KATNBL1: variants seen among roughly 807,000 people sequenced by gnomAD.
The protein encoded by KATNBL1 is KATNB1-like protein 1.
In KATNBL1, 28 loss-of-function variants were observed where a neutral mutation model predicts 44.7. The ratio of observed to expected loss-of-function variants is 0.63; its 90% CI spans 0.46 to 0.86. KATNBL1 has a LOEUF of 0.86. Among genes scored for constraint, KATNBL1 ranks in the 40% least tolerant of loss-of-function variants. The pLI is 0.00. For missense variants in KATNBL1, 272 were observed against 350.7 expected, an observed-to-expected ratio of 0.78 and a Z score of 1.79; for synonymous variants, 78 against 114.9, an observed-to-expected ratio of 0.68 and a Z score of 2.06.
intron 1 of KATNBL1, among the ~76,000 whole-genome samples, chr15:34,173,532 A>G (rs1889234763): frequency 6.6e-6 from 1 of 152,146 alleles, no homozygotes; most frequent in African/African-American, 2.4e-5. Context: ...CTTCACAGTA[A>G]GCAATAAGAG....
intron 9 of KATNBL1, among the ~76,000 whole-genome samples, chr15:34,143,899 G>A (rs1311616399): frequency 5.5e-5 from 8 of 146,696 alleles, no homozygotes; most frequent in African/African-American, 1.8e-4. Context: ...CCTGGGAGGT[G>A]GAGCTTGTAG....
At chr15:34,161,833 G>C (rs1279612328) in intron 2 of KATNBL1, among the ~76,000 whole-genome samples, 1 of 152,112 alleles carries the variant, frequency 6.6e-6, no homozygotes, top group Non-Finnish European at 1.5e-5. Context: ...AAGGCTAGAA[G>C]GGGGTTGTTT....
At chr15:34,182,128 A>C (rs1419372039) in intron 1 of KATNBL1, among the ~76,000 whole-genome samples, 1 of 152,022 alleles carries the variant, frequency 6.6e-6, no homozygotes, top group African/African-American at 2.4e-5. Context: ...GGTGTTCTGT[A>C]TCCATTGCCT....
intron 1 of KATNBL1, among the ~76,000 whole-genome samples, chr15:34,179,757 A>G (rs1889463261): frequency 6.6e-6 from 1 of 152,220 alleles, no homozygotes; most frequent in South Asian, 2.1e-4. Flanking sequence ...AACAGAAATT[A>G]TTTATTGTTG....
intron 1 of KATNBL1, among the ~76,000 whole-genome samples, chr15:34,179,412 G>A (rs1379245600): frequency 1.3e-5 from 2 of 152,128 alleles, no homozygotes; most frequent in African/African-American, 4.8e-5. Flanking sequence ...TCTCTTAACA[G>A]TCCCACCTCT....
chr15:34,208,986 G>T (rs967830005), intron 1 of KATNBL1: 1 of 152,148 alleles, frequency 6.6e-6, no homozygotes, highest in Non-Finnish European at 1.5e-5. Flanking sequence ...CTGTCAAAAT[G>T]GGGACAACAG....
chr15:34,177,159 T>G (rs1453945960), intron 1 of KATNBL1, among the ~76,000 whole-genome samples: 1 of 152,208 alleles, frequency 6.6e-6, no homozygotes, highest in Non-Finnish European at 1.5e-5. Context: ...TTGGATATAG[T>G]GCATATTTTC....
At chr15:34,150,368 T>C (rs1486725374) in intron 4 of KATNBL1, among the ~76,000 whole-genome samples, 1 of 152,124 alleles carries the variant, frequency 6.6e-6, no homozygotes, top group Non-Finnish European at 1.5e-5. Flanking sequence ...CTGAGGCAGG[T>C]TGATCGCTTC....
chr15:34,183,291 C>A (rs986242126), intron 1 of KATNBL1, among the ~76,000 whole-genome samples: 2 of 152,210 alleles, frequency 1.3e-5, no homozygotes, highest in Admixed American at 1.3e-4. Flanking sequence ...TAAGTGCTGT[C>A]AGGCCAATGG....
At chr15:34,196,169 G>T (rs1411518408) in intron 1 of KATNBL1, among the ~76,000 whole-genome samples, 2 of 152,204 alleles carry the variant, frequency 1.3e-5, no homozygotes, top group Admixed American at 6.5e-5. Context: ...TGTAATCCCA[G>T]CACTTTGGGA....
At chr15:34,144,340 C>T (rs1397784294) in intron 9 of KATNBL1, among the ~76,000 whole-genome samples, 1 of 151,372 alleles carries the variant, frequency 6.6e-6, no homozygotes, top group African/African-American at 2.4e-5. Flanking sequence ...TATTTTTTTC[C>T]CCCTGAATTC....
chr15:34,199,141 A>G (rs557709617), intron 1 of KATNBL1, among the ~76,000 whole-genome samples: 3 of 152,344 alleles, frequency 2.0e-5, no homozygotes, highest in African/African-American at 7.2e-5. Context: ...ATTCCTATTA[A>G]GAAAACAGAT....
intron 1 of KATNBL1, among the ~76,000 whole-genome samples, chr15:34,200,197 A>AT (rs1435362881): frequency 1.3e-5 from 2 of 152,040 alleles, no homozygotes; most frequent in Admixed American, 1.3e-4. Flanking sequence ...CTCAAAGTTG[A>AT]TATCTCAAGG....
chr15:34,149,428 C>CTTTT (rs574775758), intron 4 of KATNBL1, among the ~76,000 whole-genome samples: 2 of 145,126 alleles, frequency 1.4e-5, no homozygotes, highest in African/African-American at 5.0e-5. Context: ...ACAGATCAAG[C>CTTTT]TTTTTTTTTT....
At chr15:34,192,939 C>T (rs540784511) in intron 1 of KATNBL1, among the ~76,000 whole-genome samples, 35 of 152,204 alleles carry the variant, frequency 2.3e-4, no homozygotes, top group Non-Finnish European at 4.1e-4. Context: ...TAAGGCTTGC[C>T]GGGCGCGGTG....
intron 4 of KATNBL1, among the ~76,000 whole-genome samples, chr15:34,150,499 T>C (rs1205918379): frequency 1.3e-5 from 2 of 151,890 alleles, no homozygotes; most frequent in African/African-American, 4.8e-5. Flanking sequence ...GAGACTGAGG[T>C]GGGAGGATTG....
At chr15:34,158,142 AG>A (rs1888692782) in intron 2 of KATNBL1, among the ~76,000 whole-genome samples, 1 of 152,200 alleles carries the variant, frequency 6.6e-6, no homozygotes, top group African/African-American at 2.4e-5. Context: ...CCTAAATACT[AG>A]GCAACTATCT....
intron 1 of KATNBL1, among the ~76,000 whole-genome samples, chr15:34,190,463 T>C (rs1262184113): frequency 2.0e-5 from 3 of 152,122 alleles, no homozygotes; most frequent in East Asian, 3.8e-4. Context: ...AAACAGGAAA[T>C]TGTAAACATG....
At chr15:34,172,677 G>A (rs1301724174) in intron 1 of KATNBL1, among the ~76,000 whole-genome samples, 1 of 152,022 alleles carries the variant, frequency 6.6e-6, no homozygotes, top group African/African-American at 2.4e-5. Context: ...ACACTCCAGG[G>A]AAGAGTACAG....
Sources: allele counts gnomAD v4.1 joint callset (sites outside exome capture counted in the v4.1 genomes callset), GRCh38; gene constraint gnomAD v4.1.1; transcripts MANE v1.5; gene names NCBI Gene and HGNC (gene_info 2026-07-23, HGNC 2026-07-21).